Variants in CTSC observed in about 807,000 individuals in gnomAD.
CTSC encodes the protein cathepsin C, also known as dipeptidyl peptidase 1.
A neutral mutation model predicts 40.9 loss-of-function variants in CTSC; 37 were observed. The ratio of observed to expected loss-of-function variants is 0.91; its 90% CI spans 0.70 to 1.19. CTSC has a LOEUF of 1.19. Ranked by LOEUF, CTSC falls within the 50% of genes most tolerant of loss-of-function variation. The probability of loss-of-function intolerance (pLI) is 0.00; values close to 1 mark genes in which losing one functional copy is unlikely to be tolerated. For synonymous variants in CTSC, 232 were observed against 207.4 expected (o/e 1.12, Z -1.02); for missense variants, 594 against 567.3 (o/e 1.05, Z -0.48).
chr11:88,330,280 C>G (rs1014573355), intron 2 of CTSC, among the ~76,000 whole-genome samples: 1 of 152,210 alleles, frequency 6.6e-6, no homozygotes, highest in Admixed American at 6.5e-5. Flanking sequence ...TGAGTGGGCC[C>G]TAAATGTAAT....
chr11:88,336,788 G>T (rs1020407962), intron 1 of CTSC, among the ~76,000 whole-genome samples: 2 of 151,964 alleles, frequency 1.3e-5, no homozygotes, highest in Admixed American at 6.6e-5. Flanking sequence ...TTGTTCTAGG[G>T]GTAACCATGT....
intron 2 of CTSC, chr11:88,326,260 C>T: frequency 6.5e-7 from 1 of 1,548,840 alleles, no homozygotes; most frequent in East Asian, 2.3e-5. Flanking sequence ...GGAGGTAGGT[C>T]ACCAGGACTC....
rs143736590 is a variant in CTSC at position 88,294,084 on chromosome 11, G to A, written c.1314C>T (p.Tyr438=). The A allele has an allele frequency of 7.1e-4, 1,150 of 1,614,012 alleles. 1 individual carries two copies. The highest frequency in any genetic ancestry group is 1.1e-3 in the South Asian group (100 of 91,076). ...SWGTGWGENG[Y]FRIRRGTDEC... is the part of the protein sequence containing the mutation. ...CATCAGTTCCTCTGCGGATCCGGAA[G>A]TAGCCATTCTCACCCCAGCCGGTGC... Residue 438 remains tyrosine (Y), a synonymous_variant, in exon 7 of 7, where the codon TAC becomes TAT. Transcript: ENST00000227266.
chr11:88,314,514 C>T (rs1937833492), intron 2 of CTSC, among the ~76,000 whole-genome samples: 1 of 152,086 alleles, frequency 6.6e-6, no homozygotes. Flanking sequence ...TTGCTTTTAT[C>T]TTTGGTGATA....
At chr11:88,308,781 A>T (rs770473534) in intron 4 of CTSC, among the ~76,000 whole-genome samples, 2 of 151,984 alleles carry the variant, frequency 1.3e-5, no homozygotes, top group Non-Finnish European at 2.9e-5. Flanking sequence ...TGGCATGGCC[A>T]GCCTAGTGTC....
intron 2 of CTSC, among the ~76,000 whole-genome samples, chr11:88,329,333 T>C (rs1186787732): frequency 6.6e-6 from 1 of 151,188 alleles, no homozygotes; most frequent in Non-Finnish European, 1.5e-5. Flanking sequence ...AATACAAAAA[T>C]TAGCTGGGCG....
intron 1 of CTSC, among the ~76,000 whole-genome samples, 196 bp from the exon 2 acceptor site, chr11:88,335,278 G>A (rs1938465053): frequency 6.6e-6 from 1 of 151,962 alleles, no homozygotes; most frequent in Non-Finnish European, 1.5e-5. Flanking sequence ...AGACTGTGAA[G>A]TTAGGCTCTA....
At chr11:88,326,676 C>T (rs1938201406) in intron 2 of CTSC, among the ~76,000 whole-genome samples, 1 of 152,148 alleles carries the variant, frequency 6.6e-6, no homozygotes, top group East Asian at 1.9e-4. Flanking sequence ...GAAGCACATG[C>T]ATCTGAAGGT....
At position 88,314,853 on chromosome 11, in the gene CTSC, A is replaced by AT. The variant is rs144897819; in HGVS notation, c.319-2300dup. 2.0e-4 allele frequency among the ~76,000 whole-genome samples: 30 copies of AT among 152,148 alleles called. No individual in the cohort carries two copies. In the East Asian group the frequency reaches 5.2e-3, roughly 26 times the overall value. On this transcript the variant is annotated intron_variant, in intron 2 of 6. Coordinates refer to ENST00000227266, the MANE Select transcript of CTSC (RefSeq NM_001814.6). ...GGTTGTTCATGATATTCTGGATCCC[A>AT]TATGTCTGCTTCTAGTGAAGAATGG... is the stretch of plus-strand genomic sequence containing the variant.
At chr11:88,326,190 T>G (rs1345025440) in intron 2 of CTSC, 59 of 1,380,720 alleles carry the variant, frequency 4.3e-5, no homozygotes, top group Admixed American at 8.9e-5. Context: ...CTCTGGTTGT[T>G]CACATTCCAA....
intron 2 of CTSC, chr11:88,326,296 A>G: frequency 6.2e-7 from 1 of 1,602,230 alleles, no homozygotes; most frequent in Non-Finnish European, 8.5e-7. Flanking sequence ...GCAAATAAAG[A>G]CTCCAGAAGG....
chr11:88,334,209 C>G (rs1256778906), intron 2 of CTSC, among the ~76,000 whole-genome samples: 2 of 152,204 alleles, frequency 1.3e-5, no homozygotes, highest in African/African-American at 4.8e-5. Context: ...ATCCAATTTA[C>G]TTGAACCATT....
At chr11:88,337,390 C>T in intron 1 of CTSC, 111 bp downstream of exon 1, 1 of 1,139,238 alleles carries the variant, frequency 8.8e-7, no homozygotes. Context: ...TCAAGATGCT[C>T]TGGCCACCCA....
At chr11:88,335,920 TAATCTG>T (rs1938480640) in intron 1 of CTSC, among the ~76,000 whole-genome samples, 1 of 152,168 alleles carries the variant, frequency 6.6e-6, no homozygotes, top group Admixed American at 6.5e-5. Context: ...TAGAACCTCA[TAATCTG>T]AATCCTTCCA....
At chr11:88,306,809 C>T (rs1216853582) in intron 4 of CTSC, among the ~76,000 whole-genome samples, 1 of 152,188 alleles carries the variant, frequency 6.6e-6, no homozygotes, top group Admixed American at 6.5e-5. Context: ...GGTCTAATGA[C>T]CTGATTAACA....
At chr11:88,311,742 A>C (rs1937762506) in intron 3 of CTSC, among the ~76,000 whole-genome samples, 1 of 152,222 alleles carries the variant, frequency 6.6e-6, no homozygotes, top group African/African-American at 2.4e-5. Context: ...CCAATCCAAT[A>C]TGACTGATGC....
rs1944267133 is a variant in CTSC at position 88,293,800 on chromosome 11, CT to C, written c.*205del. The C allele has an allele frequency of 3.2e-5, 20 of 617,426 alleles. No individual in the cohort carries two copies. In the South Asian group the frequency reaches 3.6e-4, roughly 11 times the overall value. 38.2% of individuals were successfully genotyped at this position (617,426 alleles called of 1,614,324 possible). A position where few individuals can be genotyped will look rare whatever the true frequency, so the allele number is the denominator to read the frequency against. On this transcript the variant is annotated 3_prime_UTR_variant, in exon 7 of 7. Coordinates refer to ENST00000227266, the MANE Select transcript of CTSC (RefSeq NM_001814.6). ...CTGACCATCTTCCAGAAAATTCCCA[CT>C]TAATTGAATACTTAGAAAAAAATGG...
At chr11:88,294,616 TG>T in intron 6 of CTSC, 108 bp from the exon 7 acceptor site, 1 of 1,256,560 alleles carries the variant, frequency 8.0e-7, no homozygotes, top group Non-Finnish European at 1.1e-6. Context: ...CCCTGAAAGT[TG>T]TTCTTAGCTT....
rs1938526909 is a variant in CTSC at position 88,337,357 on chromosome 11, T to TC, written c.172+143dup. 6.2e-6 allele frequency: 5 copies of TC among 806,974 alleles called. No homozygotes were observed. The Admixed American group carries it at 1.1e-4, about 18-fold the overall frequency. The allele number at this position is 806,974 out of a possible 1,614,324, so 50.0% of individuals were successfully genotyped here. On this transcript the variant is annotated intron_variant, in intron 1 of 6. Transcript: ENST00000227266. ...TTCGCGAGCCTGGCGGGGAAGAAGG[T>TC]CCCCAAGGGTCCCCGAATCCAGTCA... is the stretch of plus-strand genomic sequence containing the variant.
Sources: allele counts gnomAD v4.1 joint callset (sites outside exome capture counted in the v4.1 genomes callset), GRCh38; gene constraint gnomAD v4.1.1; transcripts MANE v1.5; gene names NCBI Gene and HGNC (gene_info 2026-07-23, HGNC 2026-07-21).